Variants in ATP8B3 observed in about 807,000 individuals in gnomAD.
ATP8B3 encodes ATPase phospholipid transporting 8B3.
ATP8B3 carries 141 observed loss-of-function variants against 140.9 expected under a neutral mutation model. The ratio of observed to expected loss-of-function variants is 1.00; its 90% CI spans 0.87 to 1.15. ATP8B3 has a LOEUF of 1.15. ATP8B3 is among the 50% of genes most tolerant of loss of function. ATP8B3 has a pLI of 0.00. For synonymous variants in ATP8B3, 765 were observed against 714.6 expected (o/e 1.07, Z -1.13); for missense variants, 1,874 against 1,740.6 (o/e 1.08, Z -1.36).
intron 28 of ATP8B3, among the ~76,000 whole-genome samples, chr19:1,784,568 C>A (rs962841541): frequency 6.6e-5 from 10 of 152,192 alleles, no homozygotes; most frequent in African/African-American, 2.4e-4. Flanking sequence ...GGCATCAGCA[C>A]TGGAATCCAG....
At position 1,789,055 on chromosome 19, in the gene ATP8B3, C is replaced by T. The variant is rs760377798; in HGVS notation, c.2911G>A (p.Val971Met). The T allele has an allele frequency of 3.1e-6, 5 of 1,603,748 alleles. No homozygotes were observed. The highest frequency in any genetic ancestry group is 4.2e-6 in the Non-Finnish European group (5 of 1,176,664). The change falls in exon 24 of 29, where the codon GTG becomes ATG. Residue 971 changes from valine (V) to methionine (M), a missense_variant. By Grantham distance (21) the Val-to-Met change is conservative. Transcript: ENST00000310127. ...TGCAGGAAGCAGAACTGGCCGAGCACGAAGTCGCTGTTCTGAACTGCCTGC... is the reference window on the plus strand; with the variant it reads ...TGCAGGAAGCAGAACTGGCCGAGCATGAAGTCGCTGTTCTGAACTGCCTGC... ...GMQAVQNSDF[V>M]LGQFCFLQRL...
At position 1,791,896 on chromosome 19, in the gene ATP8B3, T is replaced by C. The variant is rs750793057; in HGVS notation, c.2191-35A>G. On this transcript the variant is annotated intron_variant, in intron 19 of 28. Coordinates refer to ENST00000310127, the MANE Select transcript of ATP8B3 (RefSeq NM_138813.4). Reference sequence around the variant, plus strand: ...GAGGAGGGCAGGGCGGGGAAGATGCTGAGCAGCCGTCCAGCTCCCTGGCGG... The same window carrying C: ...GAGGAGGGCAGGGCGGGGAAGATGCCGAGCAGCCGTCCAGCTCCCTGGCGG... 1.9e-6 allele frequency: 3 copies of C among 1,607,934 alleles called. No homozygotes were observed. In the Admixed American group the frequency reaches 5.0e-5, roughly 27 times the overall value.
At chr19:1,783,420 CCTCGACTCTCAGTGTTGAGTTCTAAG>C in intron 28 of ATP8B3, 150 bp from the exon 29 acceptor site, 2 of 1,038,724 alleles carry the variant, frequency 1.9e-6, no homozygotes, top group Non-Finnish European at 2.7e-6. Context: ...CAATTAGAGT[CCTCGACTCTCAGTGTTGAGTTCTAAG>C]GAGGACTCTA....
In ATP8B3 at chr19:1,802,562, C is replaced by G; in HGVS notation, c.988G>C (p.Asp330His). ...CCTCGGAGGAGGAGGTTGCCAATGT[C>G]CAGGGAGTATTTCTTGTCATTCCAT... The part of the protein sequence containing the change: ...LEWNDKKYSL[D>H]IGNLLLRGCR... Residue 330 changes from aspartate (D) to histidine (H), a missense_variant, in exon 11 of 29, where the codon GAC becomes CAC. This residue lies in a region of ATP8B3 where 1,032 missense variants were observed against 963.6 expected (regional missense o/e 1.07). Coordinates refer to ENST00000310127, the MANE Select transcript of ATP8B3 (RefSeq NM_138813.4). The G allele has an allele frequency of 6.2e-7, 1 of 1,611,032 alleles. No homozygotes were observed. Among genetic ancestry groups the G allele is most frequent in the Non-Finnish European group, 8.5e-7 (1 of 1,179,474 alleles).
chr19:1,806,055 G>A lies in ATP8B3; in HGVS notation c.750+42C>T, dbSNP rs1008553117. 2 of 1,603,038 alleles carry A rather than the reference G, an allele frequency of 1.2e-6. No homozygotes were observed. The highest frequency in any genetic ancestry group is 1.7e-5 in the Admixed American group (1 of 58,350). On this transcript the variant is annotated intron_variant, in intron 8 of 28. Transcript: ENST00000310127. This position sits in a 1 kb window ranked among gnomAD's most constrained non-coding sequence, Gnocchi z 5.6. Reference sequence around the variant, plus strand: ...CCCTGGGAGGGGTGCTCTCGGTGAGGGGGCGCGTGGTTCTGGGACCTCGGG... The same window carrying A: ...CCCTGGGAGGGGTGCTCTCGGTGAGAGGGCGCGTGGTTCTGGGACCTCGGG...
At position 1,809,750 on chromosome 19, in the gene ATP8B3, C is replaced by A; in HGVS notation, c.311-16G>T. Reference sequence around the variant, plus strand: ...CAGGTGAATGCTGCAGCGAGAGAGCCGGGCGTCGCTGGAGCTCGAGGCCCA... The same window carrying A: ...CAGGTGAATGCTGCAGCGAGAGAGCAGGGCGTCGCTGGAGCTCGAGGCCCA... On this transcript the variant is annotated splice_polypyrimidine_tract_variant and intron_variant, in intron 3 of 28. Coordinates refer to ENST00000310127, the MANE Select transcript of ATP8B3 (RefSeq NM_138813.4). 1.3e-6 allele frequency: 2 copies of A among 1,595,196 alleles called. No individual in the cohort carries two copies. The highest frequency in any genetic ancestry group is 8.5e-7 in the Non-Finnish European group (1 of 1,170,820).
chr19:1,783,844 T>A (rs1483447411), intron 28 of ATP8B3, among the ~76,000 whole-genome samples: 3 of 151,974 alleles, frequency 2.0e-5, no homozygotes, highest in Admixed American at 6.6e-5. Context: ...GTCCCCTCCC[T>A]TTTTTTTGAG....
Position 1,789,053 on chromosome 19 carries a change from C to CT in ATP8B3, c.2912_2913insA (p.Leu972AlafsTer56). 1 of 1,604,338 alleles carries CT rather than the reference C, an allele frequency of 6.2e-7. No homozygotes were observed. The highest frequency in any genetic ancestry group is 8.5e-7 in the Non-Finnish European group (1 of 1,176,764). On this transcript the variant is annotated frameshift_variant, in exon 24 of 29. Coordinates refer to ENST00000310127, the MANE Select transcript of ATP8B3 (RefSeq NM_138813.4). LOFTEE classifies it high-confidence loss of function. ...GCTGCAGGAAGCAGAACTGGCCGAG[C>CT]ACGAAGTCGCTGTTCTGAACTGCCT...
chr19:1,790,213 C>T, intron 21 of ATP8B3, among the ~76,000 whole-genome samples: 1 of 89,722 alleles, frequency 1.1e-5, no homozygotes, highest in South Asian at 4.8e-4. Context: ...CCCCTTCCCT[C>T]TCTCCTCCCC....
chr19:1,791,415 T>G (rs2068506942), intron 20 of ATP8B3, among the ~76,000 whole-genome samples: 4 of 142,416 alleles, frequency 2.8e-5, no homozygotes, highest in Non-Finnish European at 1.5e-5. Context: ...TGAGACAGAG[T>G]CTCGCTCTGT....
rs10526864 is a variant in ATP8B3 at position 1,795,784 on chromosome 19, T to TACACACACAC, written c.2055+81_2055+90dup. ...CCCTGCCTCCTCCTCCTCCTGTCCCTACACACACACACACACACACACACA... is the reference window on the plus strand; with the variant it reads ...CCCTGCCTCCTCCTCCTCCTGTCCCTACACACACACACACACACACACACACACACACACA... On this transcript the variant is annotated intron_variant, in intron 18 of 28. Transcript: ENST00000310127. 2.9e-4 allele frequency: 256 copies of TACACACACAC among 894,654 alleles called. 4 individuals are homozygous for TACACACACAC. In the African/African-American group the frequency reaches 3.0e-3, roughly 11 times the overall value. 55.4% of individuals were successfully genotyped at this position (894,654 alleles called of 1,614,324 possible). A position where few individuals can be genotyped will look rare whatever the true frequency, so the allele number is the denominator to read the frequency against.
At chr19:1,808,716 C>A (rs1308726113) in intron 4 of ATP8B3, among the ~76,000 whole-genome samples, 2 of 152,250 alleles carry the variant, frequency 1.3e-5, no homozygotes, top group Non-Finnish European at 2.9e-5. Flanking sequence ...CAAAGCAAGA[C>A]ACCCAAGAGG....
chr19:1,801,948 C>T lies in ATP8B3; in HGVS notation c.1152+8G>A, dbSNP rs371427789. On this transcript the variant is annotated splice_region_variant and intron_variant, in intron 12 of 28. Transcript: ENST00000310127. ...TTCCTGGGGCAGGGGCACTTGTTGG[C>T]AGCTCACCACAACCACCAGCTTGTT... The T allele has an allele frequency of 2.5e-6, 4 of 1,608,756 alleles. No individual in the cohort carries two copies. The highest frequency in any genetic ancestry group is 2.7e-5 in the African/African-American group (2 of 74,786).
At position 1,792,012 on chromosome 19, in the gene ATP8B3, C is replaced by T. The variant is rs1025462171; in HGVS notation, c.2179G>A (p.Ala727Thr). ...ASLLLQNRAQALQQLLGATAI... is the reference protein window; with the variant it reads ...ASLLLQNRAQTLQQLLGATAI... ...ATCTCGTTGTACACCTGTTGCAGGG[C>T]CTGTGCCCGGTTCTGCAGCAGGAGG... Residue 727 changes from alanine (A) to threonine (T), a missense_variant, in exon 19 of 29, where the codon GCC (alanine) becomes ACC (threonine). Ala to Thr is a moderately conservative substitution (Grantham distance 58, BLOSUM62 0). Transcript: ENST00000310127. 7 of 1,435,762 alleles carry T rather than the reference C, an allele frequency of 4.9e-6. No individual in the cohort carries two copies. In the Admixed American group the frequency reaches 8.4e-5, roughly 17 times the overall value. 88.9% of individuals were successfully genotyped at this position (1,435,762 alleles called of 1,614,324 possible).
At chr19:1,792,462 C>A (rs148382557) in intron 18 of ATP8B3, among the ~76,000 whole-genome samples, 1 of 151,772 alleles carries the variant, frequency 6.6e-6, no homozygotes, top group African/African-American at 2.4e-5. Context: ...TGCCTGTAGT[C>A]CCAGCTACTT....
chr19:1,784,167 A>C (rs1208794460), intron 28 of ATP8B3, among the ~76,000 whole-genome samples: 2 of 152,026 alleles, frequency 1.3e-5, no homozygotes, highest in Non-Finnish European at 2.9e-5. Flanking sequence ...AAACCATTTC[A>C]AGGTTGTTTC....
Position 1,785,617 on chromosome 19 carries a change from G to C in ATP8B3, c.3245C>G (p.Ala1082Gly). ...AGAGGTGGTCACACCATGGGCGATG[G>C]CTTGGACGAAGACCCAGTAGTTGAA... Reference protein sequence around the residue: ...ELFNYWVFVQAIAHGVTTSLV... With the variant: ...ELFNYWVFVQGIAHGVTTSLV... Residue 1082 changes from alanine (A) to glycine (G), a missense_variant, in exon 26 of 29, where the codon GCC (alanine) becomes GGC (glycine). Transcript: ENST00000310127. The C allele has an allele frequency of 6.2e-7, 1 of 1,613,326 alleles. No homozygotes were observed. Among genetic ancestry groups the C allele is most frequent in the Non-Finnish European group, 8.5e-7 (1 of 1,179,894 alleles).
Position 1,789,008 on chromosome 19 carries a change from G to C in ATP8B3, c.2958C>G (p.Gly986=), listed in dbSNP as rs745958759. Reference sequence around the variant, plus strand: ...TGCAGATCCGCACGTAGGACCAGCGGCCGTGCACCAGCAGGAGGCGCTGCA... The same window carrying C: ...TGCAGATCCGCACGTAGGACCAGCGCCCGTGCACCAGCAGGAGGCGCTGCA... ...CFLQRLLLVH[G]RWSYVRICKF... is the part of the protein sequence containing the mutation. The change falls in exon 24 of 29, where the codon GGC becomes GGG. Residue 986 remains glycine, a synonymous_variant. Coordinates refer to ENST00000310127, the MANE Select transcript of ATP8B3 (RefSeq NM_138813.4). 1 of 1,610,272 alleles carries C rather than the reference G, an allele frequency of 6.2e-7. No homozygotes were observed. Among genetic ancestry groups the C allele is most frequent in the South Asian group, 1.1e-5 (1 of 90,394 alleles).
At position 1,811,483 on chromosome 19, in the gene ATP8B3, C is replaced by T; in HGVS notation, c.248+6G>A. 1 of 1,610,794 alleles carries T rather than the reference C, an allele frequency of 6.2e-7. No individual in the cohort carries two copies. The highest frequency in any genetic ancestry group is 8.5e-7 in the Non-Finnish European group (1 of 1,179,314). On this transcript the variant is annotated splice_donor_region_variant and intron_variant, in intron 2 of 28. Transcript: ENST00000310127. ...TGTTCCGGCCACCCGATGCACCCGT[C>T]CTCACCCTTCTGGTCTCCATTCATA...
Sources: allele counts gnomAD v4.1 joint callset (sites outside exome capture counted in the v4.1 genomes callset), GRCh38; gene constraint gnomAD v4.1.1; regional missense constraint gnomAD v4.1.1; non-coding constraint Gnocchi (gnomAD v3.1); transcripts MANE v1.5; gene names NCBI Gene and HGNC (gene_info 2026-07-23, HGNC 2026-07-21).